Variants in PTGES3 observed in about 807,000 individuals in gnomAD.
PTGES3 encodes Hsp90 co-chaperone.
PTGES3 carries 5 observed loss-of-function variants against 29.9 expected under a neutral mutation model. That is an observed-to-expected ratio of 0.17 (90% confidence interval 0.09 to 0.35). The LOEUF is 0.35. PTGES3 is among the 10% of genes least tolerant of loss of function. PTGES3 has a pLI of 1.00. For synonymous variants in PTGES3, 49 were observed against 57.8 expected, an observed-to-expected ratio of 0.85 and a Z score of 0.69; for missense variants, 128 against 190.0, an observed-to-expected ratio of 0.67 and a Z score of 1.92.
At position 56,669,878 on chromosome 12, in the gene PTGES3, G is replaced by A. The variant is rs538222594; in HGVS notation, c.375+397C>T. Among the ~76,000 whole-genome samples, 127 of 151,520 alleles carry A rather than the reference G, an allele frequency of 8.4e-4. 1 individual carries two copies. The highest frequency in any genetic ancestry group is 9.1e-4 in the Non-Finnish European group (62 of 67,944). ...GCCAGCCTTGGCCTCCCAAAGTGCT[G>A]GGATTACAGGTGTGAGCACCGTGCC... On this transcript the variant is annotated intron_variant, in intron 5 of 7. Transcript: ENST00000262033.
At position 56,680,111 on chromosome 12, in the gene PTGES3, G is replaced by A. The variant is rs1952458242; in HGVS notation, c.3-7046C>T. On this transcript the variant is annotated intron_variant, in intron 1 of 7. Coordinates refer to ENST00000262033, the MANE Select transcript of PTGES3 (RefSeq NM_006601.7). ...TTTTTTTTGAGAAAGTCTTGCTGTC[G>A]CCCAGGCTGGAGTGCAATGGCGCGA... is the stretch of plus-strand genomic sequence containing the variant. Among the ~76,000 whole-genome samples, 2 of 144,458 alleles carry A rather than the reference G, an allele frequency of 1.4e-5. 1 individual carries two copies. The highest frequency in any genetic ancestry group is 4.2e-4 in the South Asian group (2 of 4,712). 94.8% of individuals were successfully genotyped at this position (144,458 alleles called of 152,430 possible).
intron 5 of PTGES3, among the ~76,000 whole-genome samples, chr12:56,669,347 T>C (rs1297592390): frequency 1.3e-5 from 2 of 152,116 alleles, no homozygotes; most frequent in Non-Finnish European, 2.9e-5. Flanking sequence ...CATGCACCAC[T>C]ACGCCCAGCT....
intron 1 of PTGES3, among the ~76,000 whole-genome samples, chr12:56,684,842 T>C (rs181253574): frequency 1.7e-4 from 26 of 152,274 alleles, no homozygotes; most frequent in Admixed American, 8.5e-4. Flanking sequence ...TTTTATAACT[T>C]AGGATTTAAA....
At chr12:56,682,054 C>T (rs4262757) in intron 1 of PTGES3, among the ~76,000 whole-genome samples, 11,213 of 151,986 alleles carry the variant, frequency 0.074, 1,006 homozygotes, top group African/African-American at 0.22. Flanking sequence ...ACCATGTTGG[C>T]CAGGCTAGTC....
In PTGES3 at chr12:56,683,735, G is replaced by A. The variant is rs539973633; in HGVS notation, c.2+4263C>T. On this transcript the variant is annotated intron_variant, in intron 1 of 7. Transcript: ENST00000262033. ...AGCACTTTGGGAGGCCGAGGCAGGC[G>A]GATCACGAGATCAGGAGATCGAGAC... Among the ~76,000 whole-genome samples, 6 of 151,560 alleles carry A rather than the reference G, an allele frequency of 4.0e-5. No individual in the cohort carries two copies. The East Asian group carries it at 1.2e-3, about 30-fold the overall frequency.
intron 4 of PTGES3, among the ~76,000 whole-genome samples, chr12:56,671,450 T>C (rs954721388): frequency 2.0e-5 from 3 of 152,228 alleles, no homozygotes; most frequent in African/African-American, 4.8e-5. Context: ...AAAACAAATT[T>C]ACTAGTAAGA....
At position 56,677,515 on chromosome 12, in the gene PTGES3, C is replaced by T. The variant is rs370962654; in HGVS notation, c.3-4450G>A. Among the ~76,000 whole-genome samples the T allele has an allele frequency of 3.7e-4, 56 of 152,114 alleles. 1 individual carries two copies. Among genetic ancestry groups the T allele is most frequent in the African/African-American group, 1.3e-3 (53 of 41,508 alleles). ...AGCAGCCTAGTAGCTATTGGAAAAA[C>T]GAATTTACATTATTGGAAAGAAAAA... On this transcript the variant is annotated intron_variant, in intron 1 of 7. Transcript: ENST00000262033.
intron 1 of PTGES3, among the ~76,000 whole-genome samples, chr12:56,683,378 CAGG>C (rs1013680283): frequency 7.0e-6 from 1 of 142,906 alleles, no homozygotes; most frequent in Non-Finnish European, 1.5e-5. Context: ...GAGGCTGAGG[CAGG>C]AGAATTGCTT....
At chr12:56,666,907 G>A (rs748411004) in intron 5 of PTGES3, among the ~76,000 whole-genome samples, 3 of 152,126 alleles carry the variant, frequency 2.0e-5, no homozygotes, top group Admixed American at 6.5e-5. Flanking sequence ...GATTACAGGC[G>A]TGAACCACCA....
intron 5 of PTGES3, among the ~76,000 whole-genome samples, chr12:56,667,131 G>A (rs1951821425): frequency 6.6e-6 from 1 of 151,816 alleles, no homozygotes; most frequent in South Asian, 2.1e-4. Context: ...TATTGGCCAG[G>A]CTGGTCTTGA....
chr12:56,687,794 A>C, intron 1 of PTGES3: 1 of 1,428,862 alleles, frequency 7.0e-7, no homozygotes, highest in Non-Finnish European at 9.1e-7. Context: ...GGAACGGTTC[A>C]GGGGTGGGGG....
intron 1 of PTGES3, among the ~76,000 whole-genome samples, chr12:56,686,649 TCA>T (rs1370139389): frequency 6.6e-6 from 1 of 152,088 alleles, no homozygotes; most frequent in Non-Finnish European, 1.5e-5. Context: ...AGTGCTGGGA[TCA>T]CAGTTGTGAG....
At chr12:56,666,714 G>A (rs906263098) in intron 5 of PTGES3, among the ~76,000 whole-genome samples, 4 of 151,916 alleles carry the variant, frequency 2.6e-5, no homozygotes, top group Admixed American at 6.6e-5. Flanking sequence ...TGCAACCTCC[G>A]CCTCTGGGTT....
At chr12:56,669,508 C>CAG (rs1692910091) in intron 5 of PTGES3, among the ~76,000 whole-genome samples, 1 of 152,222 alleles carries the variant, frequency 6.6e-6, no homozygotes, top group Non-Finnish European at 1.5e-5. Flanking sequence ...GTCTTGAACT[C>CAG]CTGACCTCAG....
At chr12:56,683,014 C>T (rs1165268939) in intron 1 of PTGES3, among the ~76,000 whole-genome samples, 1 of 151,160 alleles carries the variant, frequency 6.6e-6, no homozygotes, top group Non-Finnish European at 1.5e-5. Context: ...AAAAAATTTA[C>T]AAAGGTATAC....
rs1171435554 is a variant in PTGES3, at chr12:56,680,386, C to CT, written c.3-7322dup. ...CACTGCACCCAACCCAATTTTCTTT[C>CT]TTTTTTTTTTTTTGGGGGGACAGAG... On this transcript the variant is annotated intron_variant, in intron 1 of 7. Transcript: ENST00000262033. 9.0e-3 allele frequency among the ~76,000 whole-genome samples: 1,290 copies of CT among 143,430 alleles called. 26 individuals carry two copies. Among genetic ancestry groups the CT allele is most frequent in the African/African-American group, 0.03 (1,172 of 38,750 alleles). The allele number at this position is 143,430 out of a possible 152,430, so 94.1% of individuals were successfully genotyped here.
chr12:56,682,531 G>A (rs1565876548), intron 1 of PTGES3, among the ~76,000 whole-genome samples: 1 of 151,994 alleles, frequency 6.6e-6, no homozygotes, highest in Admixed American at 6.6e-5. Flanking sequence ...ACTCCAGCCT[G>A]GGCAAAGTAG....
chr12:56,667,988 A>G (rs1951851763), intron 5 of PTGES3, among the ~76,000 whole-genome samples: 1 of 152,186 alleles, frequency 6.6e-6, no homozygotes, highest in South Asian at 2.1e-4. Context: ...GGCACCCGTA[A>G]TCCCAGCTAC....
At chr12:56,682,234 T>C (rs1003295906) in intron 1 of PTGES3, among the ~76,000 whole-genome samples, 2 of 152,092 alleles carry the variant, frequency 1.3e-5, no homozygotes, top group African/African-American at 2.4e-5. Flanking sequence ...TTATTCAGCT[T>C]CAGAATACAA....
Sources: gnomAD v4.1 joint callset for allele counts (sites outside exome capture counted in the v4.1 genomes callset) on GRCh38, gnomAD v4.1.1 for gene constraint, MANE v1.5 for transcripts, NCBI Gene and HGNC (gene_info 2026-07-23, HGNC 2026-07-21) for gene names.